ADAMTS15: variants seen among roughly 807,000 people sequenced by gnomAD.
The protein encoded by ADAMTS15 is ADAM metallopeptidase with thrombospondin type 1 motif 15.
A neutral mutation model predicts 79.1 loss-of-function variants in ADAMTS15; 35 were observed. That is an observed-to-expected ratio of 0.44 (90% CI 0.34 to 0.59). ADAMTS15 has a LOEUF of 0.59. Among genes scored for constraint, ADAMTS15 ranks in the 20% least tolerant of loss-of-function variants. The pLI is 0.02. For missense variants in ADAMTS15, 1,324 were observed against 1,318.7 expected (o/e 1.00, Z -0.06); for synonymous variants, 616 against 567.3 (o/e 1.09, Z -1.22).
intron 1 of ADAMTS15, among the ~76,000 whole-genome samples, chr11:130,455,242 C>T (rs1938052422): frequency 6.6e-6 from 1 of 152,150 alleles, no homozygotes; most frequent in Non-Finnish European, 1.5e-5. Flanking sequence ...TCACTGCCTT[C>T]GTAGTCACTC....
intron 1 of ADAMTS15, among the ~76,000 whole-genome samples, chr11:130,456,645 C>G (rs1229618762): frequency 6.6e-6 from 1 of 152,162 alleles, no homozygotes; most frequent in African/African-American, 2.4e-5. Flanking sequence ...GTGCTTTTCA[C>G]CAGTAATTAT....
chr11:130,461,422 C>T (rs1235185369), intron 1 of ADAMTS15, 67 bp from the exon 2 acceptor site: 5 of 1,607,730 alleles, frequency 3.1e-6, no homozygotes, highest in African/African-American at 2.7e-5. Context: ...GTCCTTTCTT[C>T]CCTTCAGGTC....
Position 130,453,586 on chromosome 11 carries a change from C to T in ADAMTS15, c.957+3656C>T, listed in dbSNP as rs140811441. On this transcript the variant is annotated intron_variant, in intron 1 of 7. Coordinates refer to ENST00000299164, the MANE Select transcript of ADAMTS15 (RefSeq NM_139055.4). ...TAGCTGGACTACAGGCCTGCACTACCGTGCCCAGCTAATTTATTTTTGTAG... is the reference window on the plus strand; with the variant it reads ...TAGCTGGACTACAGGCCTGCACTACTGTGCCCAGCTAATTTATTTTTGTAG... 2.7e-4 allele frequency among the ~76,000 whole-genome samples: 41 copies of T among 152,004 alleles called. 1 individual carries two copies. The South Asian group carries it at 6.3e-3, about 23-fold the overall frequency.
intron 1 of ADAMTS15, among the ~76,000 whole-genome samples, chr11:130,454,837 A>G (rs996779445): frequency 6.6e-6 from 1 of 152,022 alleles, no homozygotes; most frequent in Non-Finnish European, 1.5e-5. Context: ...TTTTTCTTTT[A>G]TTTTTAACCG....
intron 1 of ADAMTS15, among the ~76,000 whole-genome samples, chr11:130,458,792 G>A (rs1377315164): frequency 6.6e-6 from 1 of 152,148 alleles, no homozygotes; most frequent in Non-Finnish European, 1.5e-5. Context: ...CAGAGGCAAG[G>A]GTAGGTGCCT....
At chr11:130,468,227 G>T (rs980008545) in intron 4 of ADAMTS15, among the ~76,000 whole-genome samples, 12 of 152,198 alleles carry the variant, frequency 7.9e-5, no homozygotes, top group South Asian at 2.1e-4. Context: ...CATCAGGCCC[G>T]AGTATTAGTA....
chr11:130,469,665 C>G (rs1938380939), intron 5 of ADAMTS15, among the ~76,000 whole-genome samples: 1 of 152,164 alleles, frequency 6.6e-6, no homozygotes, highest in African/African-American at 2.4e-5. Flanking sequence ...GCAGATTCTT[C>G]TTGGGATCAT....
At chr11:130,463,809 C>A (rs1334780444) in intron 4 of ADAMTS15, among the ~76,000 whole-genome samples, 1 of 152,152 alleles carries the variant, frequency 6.6e-6, no homozygotes, top group Non-Finnish European at 1.5e-5. Flanking sequence ...AGAGAGCTCA[C>A]AGTCAAGTGG....
chr11:130,462,444 G>T lies in ADAMTS15; in HGVS notation c.1259-53G>T. The T allele has an allele frequency of 6.5e-7, 1 of 1,545,462 alleles. No individual in the cohort carries two copies. On this transcript the variant is annotated intron_variant, in intron 3 of 7. Transcript: ENST00000299164. The surrounding 1 kb of genome is among the most constrained non-coding windows in gnomAD (Gnocchi z 4.3). ...CCCTTACCATTCAGATTCTGGGCTAGCCAAACCTCATCTTCCCAGCTCATC... is the reference window on the plus strand; with the variant it reads ...CCCTTACCATTCAGATTCTGGGCTATCCAAACCTCATCTTCCCAGCTCATC...
Position 130,471,382 on chromosome 11 carries a change from A to G in ADAMTS15, c.2077A>G (p.Met693Val), listed in dbSNP as rs1366517906. The G allele has an allele frequency of 1.9e-6, 3 of 1,607,232 alleles. No homozygotes were observed. The highest frequency in any genetic ancestry group is 2.5e-6 in the Non-Finnish European group (3 of 1,178,470). ...GGTGACTGGACTCTTCACCAAGCCC[A>G]TGTGAGTTCTGGGCCCTGAAGGTCC... Reference protein sequence around the residue: ...KKVTGLFTKPMHGYNFVVAIP... With the variant: ...KKVTGLFTKPVHGYNFVVAIP... Residue 693 changes from methionine (M) to valine (V), a missense_variant and splice_region_variant, in exon 7 of 8, where the codon ATG (methionine) becomes GTG (valine). Coordinates refer to ENST00000299164, the MANE Select transcript of ADAMTS15 (RefSeq NM_139055.4).
intron 1 of ADAMTS15, among the ~76,000 whole-genome samples, chr11:130,455,987 A>T (rs1938070706): frequency 6.6e-6 from 1 of 152,196 alleles, no homozygotes; most frequent in Non-Finnish European, 1.5e-5. Context: ...GCAGGAAGTC[A>T]TGGTGACAGC....
intron 1 of ADAMTS15, among the ~76,000 whole-genome samples, chr11:130,459,552 G>A (rs768951957): frequency 3.9e-5 from 6 of 152,178 alleles, no homozygotes; most frequent in Non-Finnish European, 7.3e-5. Context: ...CTTTGAAGAC[G>A]AAAGAATATG....
rs1592146949 is a variant in ADAMTS15, at chr11:130,462,413, A to G, written c.1259-84A>G. The G allele has an allele frequency of 1.3e-6, 2 of 1,519,892 alleles. No homozygotes were observed. The highest frequency in any genetic ancestry group is 1.3e-5 in the South Asian group (1 of 77,446). 94.2% of individuals were successfully genotyped at this position (1,519,892 alleles called of 1,614,324 possible). A position where few individuals can be genotyped will look rare whatever the true frequency, so the allele number is the denominator to read the frequency against. ...AGTGCATTCCTGTTGCCCTTGGTTCATTATCCCCTTACCATTCAGATTCTG... is the reference window on the plus strand; with the variant it reads ...AGTGCATTCCTGTTGCCCTTGGTTCGTTATCCCCTTACCATTCAGATTCTG... On this transcript the variant is annotated intron_variant, in intron 3 of 7. Coordinates refer to ENST00000299164, the MANE Select transcript of ADAMTS15 (RefSeq NM_139055.4). The surrounding 1 kb of genome is among the most constrained non-coding windows in gnomAD (Gnocchi z 4.3).
intron 4 of ADAMTS15, among the ~76,000 whole-genome samples, chr11:130,467,161 A>T (rs1309050194): frequency 6.6e-6 from 1 of 152,194 alleles, no homozygotes; most frequent in Non-Finnish European, 1.5e-5. Context: ...ACCAGGTAGC[A>T]TTGTCTCAGC....
rs371157496 is a variant in ADAMTS15 at position 130,462,687 on chromosome 11, C to A, written c.1449C>A (p.Arg483=). 1.5e-4 allele frequency: 243 copies of A among 1,613,392 alleles called. No individual in the cohort carries two copies. The highest frequency in any genetic ancestry group is 1.8e-4 in the Non-Finnish European group (208 of 1,179,474). ...AGGGACAGATGGTGTGCCAGACCCGCCACTTCCCCTGGGCCGATGGCACCA... is the reference window on the plus strand; with the variant it reads ...AGGGACAGATGGTGTGCCAGACCCGACACTTCCCCTGGGCCGATGGCACCA... ...KAKGQMVCQT[R]HFPWADGTSC... Residue 483 remains arginine (R), a synonymous_variant, in exon 4 of 8, where the codon CGC becomes CGA. Transcript: ENST00000299164. The surrounding 1 kb of genome is among the most constrained non-coding windows in gnomAD (Gnocchi z 4.3).
chr11:130,461,949 G>A lies in ADAMTS15; in HGVS notation c.1091-138G>A. Reference sequence around the variant, plus strand: ...CAAGAACATGATCTTGAGGACATTTGAAAGCAGTCTGTCGATAGTTGGCAA... The same window carrying A: ...CAAGAACATGATCTTGAGGACATTTAAAAGCAGTCTGTCGATAGTTGGCAA... On this transcript the variant is annotated intron_variant, in intron 2 of 7. Coordinates refer to ENST00000299164, the MANE Select transcript of ADAMTS15 (RefSeq NM_139055.4). The A allele has an allele frequency of 1.3e-5, 13 of 1,038,190 alleles. No individual in the cohort carries two copies. In the South Asian group the frequency reaches 1.7e-4, roughly 14 times the overall value. 64.3% of individuals were successfully genotyped at this position (1,038,190 alleles called of 1,614,324 possible). A position where few individuals can be genotyped will look rare whatever the true frequency, so the allele number is the denominator to read the frequency against.
At chr11:130,470,865 T>G in intron 5 of ADAMTS15, 55 bp from the exon 6 acceptor site, 1 of 1,559,512 alleles carries the variant, frequency 6.4e-7, no homozygotes, top group Non-Finnish European at 8.7e-7. Context: ...GCTTGTCCTT[T>G]GCACCGGCCT....
chr11:130,461,962 C>T (rs566395477), intron 2 of ADAMTS15, 125 bp from the exon 3 acceptor site: 7 of 1,123,438 alleles, frequency 6.2e-6, no homozygotes, highest in Middle Eastern at 2.1e-4. Flanking sequence ...AGCAGTCTGT[C>T]GATAGTTGGC....
chr11:130,472,947 TTCACCGAAAG>T lies in ADAMTS15; in HGVS notation c.2079-99_2079-90del. 1 of 1,509,310 alleles carries T rather than the reference TTCACCGAAAG, an allele frequency of 6.6e-7. No homozygotes were observed. The highest frequency in any genetic ancestry group is 8.9e-7 in the Non-Finnish European group (1 of 1,117,968). The allele number at this position is 1,509,310 out of a possible 1,614,324, so 93.5% of individuals were successfully genotyped here. On this transcript the variant is annotated intron_variant, in intron 7 of 7. Coordinates refer to ENST00000299164, the MANE Select transcript of ADAMTS15 (RefSeq NM_139055.4). The surrounding 1 kb of genome is among the most constrained non-coding windows in gnomAD (Gnocchi z 4.7). ...CTGTGCTTTTACTCCCATGCCAGAA[TTCACCGAAAG>T]CTAGGTTTACTGAGGAAAACAGATC...
Sources: gnomAD v4.1 joint callset for allele counts (sites outside exome capture counted in the v4.1 genomes callset) on GRCh38, gnomAD v4.1.1 for gene constraint, Gnocchi (gnomAD v3.1) non-coding constraint, MANE v1.5 for transcripts, NCBI Gene and HGNC (gene_info 2026-07-23, HGNC 2026-07-21) for gene names.